PREPL: variants seen among roughly 807,000 people sequenced by gnomAD.
The protein encoded by PREPL is prolyl endopeptidase-like.
Under a neutral mutation model 70.6 loss-of-function variants are expected in PREPL, and 77 were observed. The observed-to-expected ratio is 1.09, with a 90% confidence interval of 0.91 to 1.32. The LOEUF is 1.32. Among genes scored for constraint, PREPL ranks in the 40% most tolerant of loss-of-function variants. The pLI, the probability that PREPL is intolerant of heterozygous loss-of-function variation, is 0.00. For synonymous variants in PREPL, 315 were observed against 264.8 expected (o/e 1.19, Z -1.84); for missense variants, 1,002 against 778.2 (o/e 1.29, Z -3.42).
At position 44,359,773 on chromosome 2, in the gene PREPL, A is replaced by G. The variant is rs568389822; in HGVS notation, c.-49+1607T>C. 4.0e-6 allele frequency: 5 copies of G among 1,238,322 alleles called. No individual in the cohort carries two copies. In the South Asian group the frequency reaches 5.0e-5, roughly 12 times the overall value. The allele number at this position is 1,238,322 out of a possible 1,614,324, so 76.7% of individuals were successfully genotyped here. Reference sequence around the variant, plus strand: ...GGGCTGCCAGCACACGAATGATTTTATAGGTATGATTACAGAGTAGTGGGT... The same window carrying G: ...GGGCTGCCAGCACACGAATGATTTTGTAGGTATGATTACAGAGTAGTGGGT... On this transcript the variant is annotated intron_variant, in intron 1 of 13. Transcript: ENST00000409411.
In PREPL at chr2:44,343,761, C is replaced by T. The variant is rs111330295; in HGVS notation, c.333G>A (p.Pro111=). Residue 111 remains proline (P), a synonymous_variant, in exon 4 of 14, where the codon CCG becomes CCA. Coordinates refer to ENST00000409411, the MANE Select transcript of PREPL (RefSeq NM_001171613.2). ...GTGGCTTACCAAAACTGGACACATT[C>T]GGGAAAGAAGCTTCCATTACGGGCT... is the stretch of plus-strand genomic sequence containing the variant. ...SDQPVMEASF[P]NVSSFEWVKD... 15 of 1,613,464 alleles carry T rather than the reference C, an allele frequency of 9.3e-6. No individual in the cohort carries two copies. The highest frequency in any genetic ancestry group is 5.0e-5 in the Admixed American group (3 of 59,972).
intron 12 of PREPL, 95 bp downstream of exon 12, chr2:44,322,636 T>C: frequency 6.9e-7 from 1 of 1,455,170 alleles, no homozygotes; most frequent in Non-Finnish European, 9.3e-7. Context: ...CCTGGGCAGA[T>C]GATTTGGCTA....
rs1242852714 is a variant in PREPL at position 44,321,180 on chromosome 2, G to A, written c.*176C>T. 3 of 600,476 alleles carry A rather than the reference G, an allele frequency of 5.0e-6. No individual in the cohort carries two copies. Among genetic ancestry groups the A allele is most frequent in the Non-Finnish European group, 8.9e-6 (3 of 336,460 alleles). The allele number at this position is 600,476 out of a possible 1,614,324, so 37.2% of individuals were successfully genotyped here. On this transcript the variant is annotated 3_prime_UTR_variant, in exon 14 of 14. Transcript: ENST00000409411. ...GTTAATGGGCATGTGCATCAATGGA[G>A]AGAATAGTATAAGCAAGTGAGATGT...
chr2:44,323,480 T>C (rs1673187232), intron 10 of PREPL, 69 bp from the exon 11 acceptor site: 5 of 1,291,554 alleles, frequency 3.9e-6, no homozygotes, highest in South Asian at 1.5e-5. Flanking sequence ...AAAAACATTC[T>C]ATTTTATGAA....
At position 44,356,653 on chromosome 2, in the gene PREPL, T is replaced by C. The variant is rs77159933; in HGVS notation, c.-49+4727A>G. Among the ~76,000 whole-genome samples the C allele has an allele frequency of 2.9e-3, 440 of 152,262 alleles. 3 individuals carry two copies. The highest frequency in any genetic ancestry group is 9.6e-3 in the African/African-American group (401 of 41,570). ...AGGAATCCGCATTTCTAAAAAGCTC[T>C]CCAGGATTTCTGATATACAGTTAGA... On this transcript the variant is annotated intron_variant, in intron 1 of 13. Transcript: ENST00000409411.
At chr2:44,323,881 G>A (rs983121497) in intron 10 of PREPL, among the ~76,000 whole-genome samples, 3 of 152,144 alleles carry the variant, frequency 2.0e-5, no homozygotes, top group African/African-American at 2.4e-5. Flanking sequence ...TCATCAAAGA[G>A]TTAAGCTTAA....
chr2:44,326,744 T>C lies in PREPL; in HGVS notation c.1447A>G (p.Asn483Asp). 1 of 1,614,020 alleles carries C rather than the reference T, an allele frequency of 6.2e-7. No homozygotes were observed. The highest frequency in any genetic ancestry group is 8.5e-7 in the Non-Finnish European group (1 of 1,180,000). Residue 483 changes from asparagine (N) to aspartate (D), a missense_variant, in exon 10 of 14, where the codon AAT (asparagine) becomes GAT (aspartate). Physicochemically the swap from Asn to Asp is conservative, Grantham distance 23 (BLOSUM62 1). Transcript: ENST00000409411. Reference protein sequence around the residue: ...GVLAGALCNSNPELVRAVTLE... With the variant: ...GVLAGALCNSDPELVRAVTLE... ...GTCACCGCTCTCACCAGCTCTGGATTAGAATTACACAATGCTCCTGCAAGC... is the reference window on the plus strand; with the variant it reads ...GTCACCGCTCTCACCAGCTCTGGATCAGAATTACACAATGCTCCTGCAAGC...
rs565468110 is a variant in PREPL at position 44,358,833 on chromosome 2, A to G, written c.-49+2547T>C. 9.2e-5 allele frequency among the ~76,000 whole-genome samples: 14 copies of G among 152,280 alleles called. No individual in the cohort carries two copies. In the East Asian group the frequency reaches 2.7e-3, roughly 29 times the overall value. On this transcript the variant is annotated intron_variant, in intron 1 of 13. Coordinates refer to ENST00000409411, the MANE Select transcript of PREPL (RefSeq NM_001171613.2). ...TTATTTTTCATTTTTTTACAGAGAA[A>G]TAAAATACAATTCATGGCCTTTACT...
intron 1 of PREPL, among the ~76,000 whole-genome samples, chr2:44,355,852 CAT>C (rs1182141696): frequency 6.6e-6 from 1 of 151,236 alleles, no homozygotes; most frequent in Admixed American, 6.6e-5. Flanking sequence ...AGGCAAATGA[CAT>C]GTTTAACCAA....
chr2:44,337,018 C>T, intron 7 of PREPL, among the ~76,000 whole-genome samples: 1 of 152,202 alleles, frequency 6.6e-6, no homozygotes, highest in East Asian at 1.9e-4. Flanking sequence ...AACCATTCCC[C>T]TGCTCAAAAA....
At chr2:44,352,730 T>A (rs1221564031) in intron 1 of PREPL, among the ~76,000 whole-genome samples, 1 of 151,308 alleles carries the variant, frequency 6.6e-6, no homozygotes, top group African/African-American at 2.4e-5. Flanking sequence ...TCAGACAGCA[T>A]AAAACATAAA....
intron 1 of PREPL, among the ~76,000 whole-genome samples, chr2:44,358,243 T>C (rs1256798563): frequency 3.3e-5 from 5 of 152,174 alleles, no homozygotes; most frequent in African/African-American, 7.2e-5. Flanking sequence ...GAAGTTATGA[T>C]ACATGCATAC....
intron 7 of PREPL, among the ~76,000 whole-genome samples, chr2:44,333,214 C>T (rs913155010): frequency 2.6e-5 from 4 of 152,124 alleles, no homozygotes; most frequent in African/African-American, 7.2e-5. Flanking sequence ...AACCATTGTG[C>T]AGAACAAAAC....
intron 7 of PREPL, among the ~76,000 whole-genome samples, chr2:44,338,087 A>G (rs1178236311): frequency 3.3e-5 from 5 of 152,200 alleles, no homozygotes; most frequent in Non-Finnish European, 5.9e-5. Context: ...ATATACAGAA[A>G]GAGAAATATT....
intron 9 of PREPL, among the ~76,000 whole-genome samples, chr2:44,327,406 T>C (rs971221069): frequency 5.9e-5 from 9 of 152,164 alleles, no homozygotes; most frequent in Non-Finnish European, 1.3e-4. Flanking sequence ...GAGGGGTATA[T>C]ACACGAGTCA....
intron 10 of PREPL, among the ~76,000 whole-genome samples, 186 bp from the exon 11 acceptor site, chr2:44,323,597 C>A (rs1673198026): frequency 6.6e-6 from 1 of 152,168 alleles, no homozygotes; most frequent in African/African-American, 2.4e-5. Context: ...CTTTTAAAGT[C>A]TTCAGATTCC....
chr2:44,351,419 C>T (rs1289291440), intron 1 of PREPL, among the ~76,000 whole-genome samples: 1 of 151,916 alleles, frequency 6.6e-6, no homozygotes, highest in Non-Finnish European at 1.5e-5. Flanking sequence ...ACTTGTATAT[C>T]CAACTGACTA....
chr2:44,318,095 GTTT>G lies in PREPL; in HGVS notation c.*3258_*3260del, dbSNP rs11348872. 0.085 allele frequency: 33,621 copies of G among 394,742 alleles called. 887 individuals carry two copies. The highest frequency in any genetic ancestry group is 0.11 in the Non-Finnish European group (21,166 of 200,532). 24.5% of individuals were successfully genotyped at this position (394,742 alleles called of 1,614,324 possible). On this transcript the variant is annotated 3_prime_UTR_variant, in exon 14 of 14. Transcript: ENST00000409411. Reference sequence around the variant, plus strand: ...ATAATACTTAAAGGATCTCAACACTGTTTTTTTTTTTTTTTGAGACAGTCTTGC... The same window carrying G: ...ATAATACTTAAAGGATCTCAACACTGTTTTTTTTTTTTGAGACAGTCTTGC...
intron 1 of PREPL, among the ~76,000 whole-genome samples, chr2:44,359,067 C>CTT (rs35700374): frequency 0.01 from 955 of 94,472 alleles, 21 homozygotes; most frequent in African/African-American, 0.037. Context: ...TATGTATACA[C>CTT]TTTTTTTTTT....
Sources: gnomAD v4.1 joint callset for allele counts (sites outside exome capture counted in the v4.1 genomes callset) on GRCh38, gnomAD v4.1.1 for gene constraint, MANE v1.5 for transcripts, NCBI Gene and HGNC (gene_info 2026-07-23, HGNC 2026-07-21) for gene names.